The following ITPR1 variants were observed in gnomAD, a reference collection of about 807,000 sequenced individuals.
ITPR1 encodes inositol 1,4,5-trisphosphate receptor type 1, also known as inositol 1,4,5-trisphosphate-gated calcium channel ITPR1.
In ITPR1, 96 loss-of-function variants were observed where a neutral mutation model predicts 318.4. The ratio of observed to expected loss-of-function variants is 0.30; its 90% CI spans 0.26 to 0.36. The LOEUF (loss-of-function observed/expected upper bound fraction) is 0.36. ITPR1 is among the 10% of genes least tolerant of loss of function. The probability of loss-of-function intolerance (pLI) is 1.00; values close to 1 mark genes in which losing one functional copy is unlikely to be tolerated. For missense variants in ITPR1, 2,440 were observed against 3,460.2 expected (o/e 0.71, Z 7.40); for synonymous variants, 1,312 against 1,289.9 (o/e 1.02, Z -0.37).
At chr3:4,598,316 A>G (rs1189940499) in intron 4 of ITPR1, among the ~76,000 whole-genome samples, 1 of 152,230 alleles carries the variant, frequency 6.6e-6, no homozygotes, top group Non-Finnish European at 1.5e-5. Context: ...TTGTTTGAAC[A>G]GAGAATTAAA....
At chr3:4,689,202 C>G (rs747613707) in intron 31 of ITPR1, among the ~76,000 whole-genome samples, 2 of 152,120 alleles carry the variant, frequency 1.3e-5, no homozygotes, top group Non-Finnish European at 2.9e-5. Flanking sequence ...AAATGACATT[C>G]CATAGAATGG....
chr3:4,836,934 A>G lies in ITPR1; in HGVS notation c.8189A>G (p.Gln2730Arg). 1 of 1,573,842 alleles carries G rather than the reference A, an allele frequency of 6.4e-7. No individual in the cohort carries two copies. Among genetic ancestry groups the G allele is most frequent in the Non-Finnish European group, 8.7e-7 (1 of 1,150,696 alleles). Residue 2730 changes from glutamine to arginine, a missense_variant and splice_region_variant, in exon 61 of 62, where the codon CAG (glutamine) becomes CGG (arginine). Around this residue, in one of 23 missense-constraint regions of ITPR1, gnomAD observed 63 missense variants for 63.4 expected, o/e 0.99. Coordinates refer to ENST00000649015, the MANE Select transcript of ITPR1 (RefSeq NM_001378452.1). ...GGCCAGCTGTCGGAATTAAAGGATC[A>G]GGTAAAGAAAGAAAATCCCAGCGCC... is the stretch of plus-strand genomic sequence containing the variant. The part of the protein sequence containing the change: ...LSGQLSELKD[Q>R]MTEQRKQKQR...
At chr3:4,783,240 G>A (rs1468327605) in intron 50 of ITPR1, among the ~76,000 whole-genome samples, 2 of 152,056 alleles carry the variant, frequency 1.3e-5, no homozygotes, top group Non-Finnish European at 1.5e-5. Context: ...CCTTCCAAGC[G>A]GCTGGGTTTT....
intron 32 of ITPR1, among the ~76,000 whole-genome samples, chr3:4,692,795 G>T (rs746212198): frequency 1.3e-5 from 2 of 152,144 alleles, no homozygotes; most frequent in Admixed American, 6.6e-5. Flanking sequence ...GTAGATGAAA[G>T]AATTGTAAAG....
At chr3:4,760,765 G>A (rs2045380675) in intron 44 of ITPR1, among the ~76,000 whole-genome samples, 1 of 152,254 alleles carries the variant, frequency 6.6e-6, no homozygotes, top group Middle Eastern at 3.4e-3. Context: ...AATGGTGAAT[G>A]GAGTCCTTCT....
At position 4,500,309 on chromosome 3, in the gene ITPR1, C is replaced by G. The variant is rs143579733; in HGVS notation, c.-17+5803C>G. Among the ~76,000 whole-genome samples the G allele has an allele frequency of 3.5e-3, 540 of 152,332 alleles. 4 individuals are homozygous for G. Among genetic ancestry groups the G allele is most frequent in the African/African-American group, 0.012 (495 of 41,574 alleles). ...CTGCCTCTTGGGCTCAAGCTACCCT[C>G]TCACCTAATCCTCCTGAGTAGCTGG... On this transcript the variant is annotated intron_variant, in intron 2 of 61. Transcript: ENST00000649015.
chr3:4,741,728 G>C (rs2043721987), intron 44 of ITPR1, among the ~76,000 whole-genome samples: 1 of 152,172 alleles, frequency 6.6e-6, no homozygotes, highest in Admixed American at 6.5e-5. Context: ...GCCTCTGCTG[G>C]AAATGGAAGG....
chr3:4,513,456 T>C (rs995095249), intron 2 of ITPR1, among the ~76,000 whole-genome samples: 1 of 152,120 alleles, frequency 6.6e-6, no homozygotes, highest in Non-Finnish European at 1.5e-5. Context: ...CCTCCCCTAC[T>C]TTTTGGTTGT....
intron 34 of ITPR1, 42 bp downstream of exon 34, chr3:4,697,314 A>G (rs1559718949): frequency 1.1e-5 from 12 of 1,105,986 alleles, no homozygotes; most frequent in Non-Finnish European, 1.3e-5. Context: ...GGAGAGTGAG[A>G]GGTGTGTGTG....
chr3:4,557,295 C>T (rs924357501), intron 4 of ITPR1, among the ~76,000 whole-genome samples: 1 of 152,164 alleles, frequency 6.6e-6, no homozygotes, highest in African/African-American at 2.4e-5. Flanking sequence ...CAGGGGAACT[C>T]TCCTTTATAA....
Position 4,752,454 on chromosome 3 carries a change from C to A in ITPR1, c.5545-14076C>A, listed in dbSNP as rs140764754. Among the ~76,000 whole-genome samples the A allele has an allele frequency of 3.9e-5, 6 of 152,258 alleles. No homozygotes were observed. The East Asian group carries it at 1.2e-3, about 29-fold the overall frequency. On this transcript the variant is annotated intron_variant, in intron 44 of 61. Coordinates refer to ENST00000649015, the MANE Select transcript of ITPR1 (RefSeq NM_001378452.1). ...CCCATCACAGAGTTACGTGCAAAAA[C>A]CGGATAAGCCCGTAGAGGTGACAAC...
In ITPR1 at chr3:4,717,380, A is replaced by G; in HGVS notation, c.5117A>G (p.Asp1706Gly). 1 of 1,596,606 alleles carries G rather than the reference A, an allele frequency of 6.3e-7. No individual in the cohort carries two copies. The highest frequency in any genetic ancestry group is 8.5e-7 in the Non-Finnish European group (1 of 1,177,502). ...TTTCTTTTCCAGCTAATTTCCATTG[A>G]TGAATTGGATAATGCTGAGGTCCTA... The part of the protein sequence containing the change: ...RGYGEKLISI[D>G]ELDNAELPPA... The change falls in exon 40 of 62, where the codon GAT becomes GGT. Residue 1706 changes from aspartate (D) to glycine (G), a missense_variant. By Grantham distance (94) the Asp-to-Gly change is moderately conservative (BLOSUM62 -1). This residue lies in a region of ITPR1 where 166 missense variants were observed against 143.7 expected (regional missense o/e 1.16). Transcript: ENST00000649015.
intron 60 of ITPR1, among the ~76,000 whole-genome samples, chr3:4,825,387 G>A (rs2050005653): frequency 6.6e-6 from 1 of 152,170 alleles, no homozygotes; most frequent in African/African-American, 2.4e-5. Flanking sequence ...GCTTAGGAGG[G>A]GAGAGCCCAG....
intron 4 of ITPR1, among the ~76,000 whole-genome samples, chr3:4,535,139 C>T (rs1019887983): frequency 4.3e-5 from 6 of 138,114 alleles, no homozygotes; most frequent in East Asian, 2.0e-4. Context: ...TTGATCTGGG[C>T]GGGGGGAGGG....
intron 44 of ITPR1, chr3:4,750,277 T>A (rs1447436403): frequency 2.0e-5 from 3 of 152,088 alleles, no homozygotes; most frequent in Admixed American, 2.0e-4. Context: ...GACTTGACCC[T>A]GTGGGTTCCT....
chr3:4,535,116 G>A (rs1035947918), intron 4 of ITPR1, among the ~76,000 whole-genome samples: 1 of 151,474 alleles, frequency 6.6e-6, no homozygotes. Flanking sequence ...AAAGCCCAGG[G>A]GAATGCAGTC....
chr3:4,590,652 G>A (rs1172196713), intron 4 of ITPR1, among the ~76,000 whole-genome samples: 2 of 151,996 alleles, frequency 1.3e-5, no homozygotes, highest in South Asian at 2.1e-4. Context: ...GAGCTCAAGC[G>A]ATCCTCTTGA....
chr3:4,701,701 C>T (rs924477725), intron 35 of ITPR1, among the ~76,000 whole-genome samples: 7 of 152,210 alleles, frequency 4.6e-5, no homozygotes, highest in African/African-American at 1.4e-4. Flanking sequence ...CCTTGCTGGG[C>T]CTTTGTTTTT....
At chr3:4,645,817 T>A in intron 10 of ITPR1, 89 bp downstream of exon 10, 1 of 1,167,194 alleles carries the variant, frequency 8.6e-7, no homozygotes, top group Non-Finnish European at 1.2e-6. Flanking sequence ...CAAATATTCA[T>A]ACATACATAT....
Sources: gnomAD v4.1 joint callset for allele counts (sites outside exome capture counted in the v4.1 genomes callset) on GRCh38, gnomAD v4.1.1 for gene constraint, gnomAD v4.1.1 regional missense constraint, MANE v1.5 for transcripts, NCBI Gene and HGNC (gene_info 2026-07-23, HGNC 2026-07-21) for gene names.